Variants in MTSS2 observed in about 807,000 individuals in gnomAD.
The protein encoded by MTSS2 is protein MTSS 2.
A neutral mutation model predicts 67.1 loss-of-function variants in MTSS2; 27 were observed. That is an observed-to-expected ratio of 0.40 (90% confidence interval 0.30 to 0.55). The LOEUF (loss-of-function observed/expected upper bound fraction) is 0.55. Ranked by LOEUF, MTSS2 falls within the 20% of genes least tolerant of loss-of-function variation. The probability of loss-of-function intolerance (pLI) is 0.43; values close to 1 mark genes in which losing one functional copy is unlikely to be tolerated. For missense variants in MTSS2, 1,171 were observed against 1,067.8 expected (o/e 1.10, Z -1.35); for synonymous variants, 624 against 468.6 (o/e 1.33, Z -4.28).
Position 70,661,220 on chromosome 16 carries a change from C to G in MTSS2, c.*2457G>C. 2.2e-6 allele frequency: 1 copy of G among 454,414 alleles called. No homozygotes were observed. The highest frequency in any genetic ancestry group is 4.4e-6 in the Non-Finnish European group (1 of 226,200). 28.1% of individuals were successfully genotyped at this position (454,414 alleles called of 1,614,324 possible). A position where few individuals can be genotyped will look rare whatever the true frequency, so the allele number is the denominator to read the frequency against. On this transcript the variant is annotated 3_prime_UTR_variant, in exon 15 of 15. Coordinates refer to ENST00000338779, the MANE Select transcript of MTSS2 (RefSeq NM_138383.3). ...AGGCAGGGGTGTTAATTACAGTACA[C>G]CTTTATTAATACTGGAATCTTCACA...
Position 70,685,708 on chromosome 16 carries a change from C to T in MTSS2, c.69+15G>A. ...ACCCGTCGCCGCGCGCCCGGCCCCG[C>T]CGCGCCCCGGTTACCTTCATGTCGT... On this transcript the variant is annotated intron_variant, in intron 1 of 14. Coordinates refer to ENST00000338779, the MANE Select transcript of MTSS2 (RefSeq NM_138383.3). 1 of 1,319,186 alleles carries T rather than the reference C, an allele frequency of 7.6e-7. No individual in the cohort carries two copies. Among genetic ancestry groups the T allele is most frequent in the Non-Finnish European group, 9.8e-7 (1 of 1,015,574 alleles). 81.7% of individuals were successfully genotyped at this position (1,319,186 alleles called of 1,614,324 possible).
At chr16:70,674,589 G>A in intron 10 of MTSS2, 61 bp from the exon 11 acceptor site, 1 of 1,478,146 alleles carries the variant, frequency 6.8e-7, no homozygotes, top group Non-Finnish European at 9.3e-7. Flanking sequence ...GTGTGTGTTT[G>A]GGGGAGGTTG....
chr16:70,677,281 C>T (rs1214152948), intron 9 of MTSS2, among the ~76,000 whole-genome samples: 1 of 152,218 alleles, frequency 6.6e-6, no homozygotes, highest in Non-Finnish European at 1.5e-5. Context: ...TTTGTTTACT[C>T]CTGTTCCTGT....
intron 2 of MTSS2, 46 bp downstream of exon 2, chr16:70,680,918 G>GGGGCCC: frequency 9.1e-7 from 1 of 1,097,388 alleles, no homozygotes; most frequent in Non-Finnish European, 1.3e-6. Context: ...CGGGGGGGGG[G>GGGGCCC]CCTCTGCCTG....
At position 70,664,319 on chromosome 16, in the gene MTSS2, C is replaced by T. The variant is rs1220169848; in HGVS notation, c.1602G>A (p.Lys534=). Reference sequence around the variant, plus strand: ...GCAGCCCAGCAGTGGAGGCTGGGCGCTTGGTCTGGATCAGGCGGCGGTAGT... The same window carrying T: ...GCAGCCCAGCAGTGGAGGCTGGGCGTTTGGTCTGGATCAGGCGGCGGTAGT... ...AQNYRRLIQT[K]RPASTAGLPT... is the part of the protein sequence containing the mutation. Residue 534 remains lysine, a synonymous_variant, in exon 15 of 15, where the codon AAG becomes AAA. Coordinates refer to ENST00000338779, the MANE Select transcript of MTSS2 (RefSeq NM_138383.3). 6.3e-7 allele frequency: 1 copy of T among 1,593,494 alleles called. No homozygotes were observed. Among genetic ancestry groups the T allele is most frequent in the Non-Finnish European group, 8.5e-7 (1 of 1,172,772 alleles).
At chr16:70,677,218 G>A (rs2053146631) in intron 9 of MTSS2, among the ~76,000 whole-genome samples, 1 of 152,208 alleles carries the variant, frequency 6.6e-6, no homozygotes, top group Non-Finnish European at 1.5e-5. Flanking sequence ...CCTGGGCTGG[G>A]CGAGAGTGAC....
intron 11 of MTSS2, among the ~76,000 whole-genome samples, chr16:70,670,696 G>A (rs986108138): frequency 1.3e-5 from 2 of 152,094 alleles, no homozygotes; most frequent in Non-Finnish European, 2.9e-5. Flanking sequence ...GGCAAAACTA[G>A]GCCATGCCTG....
In MTSS2 at chr16:70,674,481, G is replaced by A. The variant is rs370244103; in HGVS notation, c.878C>T (p.Pro293Leu). 9 of 1,613,910 alleles carry A rather than the reference G, an allele frequency of 5.6e-6. No homozygotes were observed. The East Asian group carries it at 1.8e-4, about 32-fold the overall frequency. The part of the protein sequence containing the change: ...SSAKGGGAPW[P>L]GGAQTYSPSS... ...GGGTGAGTATGTTTGGGCACCCCCA[G>A]GCCATGGGGCTCCGCCACCCTTGGC... The change falls in exon 11 of 15, where the codon CCT becomes CTT. Residue 293 changes from proline (P) to leucine (L), a missense_variant. By Grantham distance (98) the Pro-to-Leu change is moderately conservative. Coordinates refer to ENST00000338779, the MANE Select transcript of MTSS2 (RefSeq NM_138383.3).
intron 1 of MTSS2, among the ~76,000 whole-genome samples, chr16:70,684,288 G>A (rs1310892335): frequency 2.0e-5 from 3 of 152,106 alleles, no homozygotes; most frequent in African/African-American, 7.2e-5. Context: ...CCACAGGACA[G>A]GTGGGGACTG....
At chr16:70,683,357 C>T (rs1355277641) in intron 1 of MTSS2, among the ~76,000 whole-genome samples, 6 of 152,222 alleles carry the variant, frequency 3.9e-5, no homozygotes, top group Admixed American at 3.3e-4. Flanking sequence ...CTCCTCGCAG[C>T]GCCCAGCACG....
Position 70,662,239 on chromosome 16 carries a change from T to C in MTSS2, c.*1438A>G, listed in dbSNP as rs1212984550. On this transcript the variant is annotated 3_prime_UTR_variant, in exon 15 of 15. Transcript: ENST00000338779. ...GACCAAGGTGCTCCTGACCCCCAGGTAGGACCCTGCCCTGGGGCCACGATG... is the reference window on the plus strand; with the variant it reads ...GACCAAGGTGCTCCTGACCCCCAGGCAGGACCCTGCCCTGGGGCCACGATG... 6.6e-6 allele frequency: 1 copy of C among 152,286 alleles called. No individual in the cohort carries two copies. The highest frequency in any genetic ancestry group is 1.5e-5 in the Non-Finnish European group (1 of 68,160). 9.4% of individuals were successfully genotyped at this position (152,286 alleles called of 1,614,324 possible).
intron 10 of MTSS2, 129 bp downstream of exon 10, chr16:70,676,752 C>A: frequency 1.4e-6 from 1 of 739,644 alleles, no homozygotes. Flanking sequence ...TATGCAAATT[C>A]CTCGGATGGT....
chr16:70,666,400 C>T (rs1447762586), intron 11 of MTSS2, among the ~76,000 whole-genome samples: 1 of 152,186 alleles, frequency 6.6e-6, no homozygotes, highest in Non-Finnish European at 1.5e-5. Flanking sequence ...TAAACAACTA[C>T]AAAGAATAAA....
chr16:70,663,613 T>G lies in MTSS2; in HGVS notation c.*64A>C, dbSNP rs1041848520. 1.4e-5 allele frequency: 21 copies of G among 1,476,454 alleles called. No homozygotes were observed. Among genetic ancestry groups the G allele is most frequent in the Non-Finnish European group, 1.7e-5 (19 of 1,112,310 alleles). The allele number at this position is 1,476,454 out of a possible 1,614,324, so 91.5% of individuals were successfully genotyped here. A position where few individuals can be genotyped will look rare whatever the true frequency, so the allele number is the denominator to read the frequency against. ...TGGCTGGGCCTTTGCTCTGAGTGCC[T>G]GCGGCTCACAGACCAGGCCACCTGC... On this transcript the variant is annotated 3_prime_UTR_variant, in exon 15 of 15. Coordinates refer to ENST00000338779, the MANE Select transcript of MTSS2 (RefSeq NM_138383.3).
intron 2 of MTSS2, 46 bp downstream of exon 2, chr16:70,680,918 G>GGA: frequency 1.8e-6 from 2 of 1,097,930 alleles, no homozygotes; most frequent in South Asian, 1.3e-5. Flanking sequence ...CGGGGGGGGG[G>GGA]CCTCTGCCTG....
At chr16:70,666,233 C>G (rs965782179) in intron 11 of MTSS2, among the ~76,000 whole-genome samples, 1 of 151,924 alleles carries the variant, frequency 6.6e-6, no homozygotes, top group African/African-American at 2.4e-5. Context: ...GTGGGGCCAT[C>G]GGCTTGGGGC....
Position 70,665,680 on chromosome 16 carries a change from C to G in MTSS2, c.1054-140G>C, listed in dbSNP as rs531027184. 1.5e-5 allele frequency: 10 copies of G among 681,338 alleles called. No individual in the cohort carries two copies. The South Asian group carries it at 1.7e-4, about 12-fold the overall frequency. The allele number at this position is 681,338 out of a possible 1,614,324, so 42.2% of individuals were successfully genotyped here. On this transcript the variant is annotated intron_variant, in intron 11 of 14. Coordinates refer to ENST00000338779, the MANE Select transcript of MTSS2 (RefSeq NM_138383.3). ...AGCGCCTTGCCCAGCACCCACCCCC[C>G]CTACCCCAGGGCCACGGCCGCTGAG...
chr16:70,665,920 G>C (rs867706025), intron 11 of MTSS2: 1 of 190,982 alleles, frequency 5.2e-6, no homozygotes, highest in African/African-American at 2.3e-5. Context: ...GACAGGACAC[G>C]GGGGAAGTGT....
chr16:70,664,783 G>A lies in MTSS2; in HGVS notation c.1306-20C>T, dbSNP rs2052638788. On this transcript the variant is annotated intron_variant, in intron 13 of 14. Coordinates refer to ENST00000338779, the MANE Select transcript of MTSS2 (RefSeq NM_138383.3). ...ACCGTGCTGAGGGTGGGAAAGTGCA[G>A]GCTGAAGCCTTGCGCCCCCAATCCC... is the stretch of plus-strand genomic sequence containing the variant. The A allele has an allele frequency of 6.3e-7, 1 of 1,595,774 alleles. No homozygotes were observed. The highest frequency in any genetic ancestry group is 8.5e-7 in the Non-Finnish European group (1 of 1,170,380).
Sources: gnomAD v4.1 joint callset for allele counts (sites outside exome capture counted in the v4.1 genomes callset) on GRCh38, gnomAD v4.1.1 for gene constraint, MANE v1.5 for transcripts, NCBI Gene and HGNC (gene_info 2026-07-23, HGNC 2026-07-21) for gene names.